ERI3: variants seen among roughly 807,000 people sequenced by gnomAD.
ERI3 encodes the protein ERI1 exoribonuclease family member 3, also known as ERI1 exoribonuclease 3.
A neutral mutation model predicts 44.4 loss-of-function variants in ERI3; 18 were observed. That is an observed-to-expected ratio of 0.41 (90% CI 0.28 to 0.60). The LOEUF (loss-of-function observed/expected upper bound fraction) is 0.60, where lower values mean the gene tolerates loss of function less well. Among genes scored for constraint, ERI3 ranks in the 20% least tolerant of loss-of-function variants. ERI3 has a pLI of 0.36. For synonymous variants in ERI3, 183 were observed against 164.8 expected (o/e 1.11, Z -0.84); for missense variants, 294 against 435.5 (o/e 0.68, Z 2.89).
intron 7 of ERI3, among the ~76,000 whole-genome samples, chr1:44,274,232 C>T (rs1645138545): frequency 1.3e-5 from 2 of 152,188 alleles, no homozygotes; most frequent in South Asian, 4.1e-4. Flanking sequence ...ATCTGTCTCC[C>T]TATTATCTGG....
At position 44,254,233 on chromosome 1, in the gene ERI3, C is replaced by T. The variant is rs1447158440; in HGVS notation, c.832-6195G>A. 4.6e-5 allele frequency among the ~76,000 whole-genome samples: 7 copies of T among 152,150 alleles called. 1 individual carries two copies. Among genetic ancestry groups the T allele is most frequent in the African/African-American group, 1.7e-4 (7 of 41,434 alleles). On this transcript the variant is annotated intron_variant, in intron 7 of 8. Transcript: ENST00000372257. ...TGTGCTCTAATGAGCTTCTCCTCTA[C>T]CTATTTCAGTCATCTTTCCCCAGAG...
At chr1:44,342,859 T>TA (rs1557868067) in intron 2 of ERI3, among the ~76,000 whole-genome samples, 19 of 11,974 alleles carry the variant, frequency 1.6e-3, no homozygotes, top group East Asian at 4.0e-3. Context: ...ATATATATAT[T>TA]TTTTTTTTTT....
intron 3 of ERI3, among the ~76,000 whole-genome samples, chr1:44,323,532 A>G (rs1646246214): frequency 6.6e-6 from 1 of 152,212 alleles, no homozygotes; most frequent in Non-Finnish European, 1.5e-5. Flanking sequence ...GGCTGTAGAC[A>G]CAGAGATGAA....
At chr1:44,273,430 G>A (rs1350967661) in intron 7 of ERI3, among the ~76,000 whole-genome samples, 4 of 152,234 alleles carry the variant, frequency 2.6e-5, no homozygotes, top group Admixed American at 1.3e-4. Flanking sequence ...CTTTAGGCAA[G>A]TTTCTTCATT....
intron 8 of ERI3, among the ~76,000 whole-genome samples, chr1:44,237,297 C>A (rs940111674): frequency 6.6e-6 from 1 of 152,194 alleles, no homozygotes; most frequent in Admixed American, 6.5e-5. Flanking sequence ...CCCAGAAGAC[C>A]TCAGCAAACA....
chr1:44,262,107 T>C (rs760959926), intron 7 of ERI3, among the ~76,000 whole-genome samples: 17 of 152,112 alleles, frequency 1.1e-4, no homozygotes, highest in Admixed American at 1.3e-4. Flanking sequence ...TAGGTGTCCC[T>C]CAGGCTCGCT....
chr1:44,330,265 G>C (rs1268839789), intron 3 of ERI3, among the ~76,000 whole-genome samples: 2 of 152,194 alleles, frequency 1.3e-5, no homozygotes, highest in Non-Finnish European at 2.9e-5. Context: ...GCCTCTGCCA[G>C]CACCTAACCC....
intron 3 of ERI3, 84 bp from the exon 4 acceptor site, chr1:44,319,828 G>T (rs141635728): frequency 7.8e-6 from 8 of 1,031,638 alleles, no homozygotes; most frequent in Middle Eastern, 4.1e-4. Flanking sequence ...AACAAAGAAT[G>T]AGTGTTTTGG....
rs75756995 is a variant in ERI3 at position 44,333,023 on chromosome 1, A to T, written c.489+6022T>A. On this transcript the variant is annotated intron_variant, in intron 3 of 8. Coordinates refer to ENST00000372257, the MANE Select transcript of ERI3 (RefSeq NM_024066.3). ...AAAGGCAATAATTGCTCTGATGGGC[A>T]GGGGAAAAATTATTCCAGGAGTCGG... 2.5e-3 allele frequency among the ~76,000 whole-genome samples: 378 copies of T among 152,364 alleles called. 4 individuals carry two copies. Among genetic ancestry groups the T allele is most frequent in the African/African-American group, 8.8e-3 (366 of 41,594 alleles).
rs1206417712 is a variant in ERI3 at position 44,252,631 on chromosome 1, G to A, written c.832-4593C>T. ...TCCCATCACAAACACGGCGCCCGGC[G>A]GCTTATGGGGGCTTAGCAGCTGCGA... On this transcript the variant is annotated intron_variant, in intron 7 of 8. Transcript: ENST00000372257. This position sits in a 1 kb window ranked among gnomAD's most constrained non-coding sequence, Gnocchi z 4.7. Among the ~76,000 whole-genome samples, 3 of 152,214 alleles carry A rather than the reference G, an allele frequency of 2.0e-5. No homozygotes were observed. Among genetic ancestry groups the A allele is most frequent in the South Asian group, 2.1e-4 (1 of 4,830 alleles).
In ERI3 at chr1:44,285,382, T is replaced by C. The variant is rs79994869; in HGVS notation, c.759-475A>G. Among the ~76,000 whole-genome samples the C allele has an allele frequency of 5.4e-3, 821 of 152,288 alleles. 5 individuals carry two copies. The highest frequency in any genetic ancestry group is 0.018 in the African/African-American group (755 of 41,560). On this transcript the variant is annotated intron_variant, in intron 6 of 8. Transcript: ENST00000372257. ...TTCTTTCTATGCACTGGTTTGTTAT[T>C]TTGTTACAGCAGAGAGGCAGACAGA...
rs1340841610 is a variant in ERI3, at chr1:44,355,050, A to C, written c.-24T>G. ...ATGGCAACGCCCCCTCCTCGGGGCC[A>C]GCGCGGCAGGCTCCCTCCAGGTGCA... On this transcript the variant is annotated 5_prime_UTR_variant, in exon 1 of 9. Transcript: ENST00000372257. 7.3e-7 allele frequency: 1 copy of C among 1,363,364 alleles called. No homozygotes were observed. The highest frequency in any genetic ancestry group is 9.5e-7 in the Non-Finnish European group (1 of 1,053,834). 84.5% of individuals were successfully genotyped at this position (1,363,364 alleles called of 1,614,324 possible).
At position 44,221,087 on chromosome 1, in the gene ERI3, C is replaced by CCA. The variant is rs1643890737; in HGVS notation, c.*469_*470dup. ...CACACAGATGGCTTTGCACACACAC[C>CCA]CAGTGCCTCGTTTCCCCGACTTTAT... On this transcript the variant is annotated 3_prime_UTR_variant, in exon 9 of 9. Transcript: ENST00000372257. The surrounding 1 kb of genome is among the most constrained non-coding windows in gnomAD (Gnocchi z 5.9). 3.7e-6 allele frequency: 1 copy of CCA among 273,764 alleles called. No individual in the cohort carries two copies. The highest frequency in any genetic ancestry group is 7.1e-6 in the Non-Finnish European group (1 of 141,456). The allele number at this position is 273,764 out of a possible 1,614,324, so 17.0% of individuals were successfully genotyped here.
At chr1:44,298,669 C>A (rs1645660968) in intron 6 of ERI3, among the ~76,000 whole-genome samples, 1 of 152,144 alleles carries the variant, frequency 6.6e-6, no homozygotes, top group South Asian at 2.1e-4. Context: ...AATCTCAGCA[C>A]TTTGGGAGGC....
intron 6 of ERI3, among the ~76,000 whole-genome samples, chr1:44,301,224 G>A (rs965907273): frequency 6.6e-6 from 1 of 152,154 alleles, no homozygotes; most frequent in Non-Finnish European, 1.5e-5. Flanking sequence ...AGAAGGTCTG[G>A]TTCCCACTCT....
chr1:44,342,858 T>TAAATATATATATATATATATATATA (rs1408660607), intron 2 of ERI3, among the ~76,000 whole-genome samples: 2 of 11,368 alleles, frequency 1.8e-4, no homozygotes, highest in Non-Finnish European at 3.3e-4. Flanking sequence ...TATATATATA[T>TAAATATATATATATATATATATATA]TTTTTTTTTT....
chr1:44,244,453 T>C (rs1373836834), intron 8 of ERI3, among the ~76,000 whole-genome samples: 1 of 152,138 alleles, frequency 6.6e-6, no homozygotes, highest in African/African-American at 2.4e-5. Flanking sequence ...ACAACTCCAT[T>C]TGTGAGCTCT....
chr1:44,222,976 GTC>G (rs1427763335), intron 8 of ERI3, among the ~76,000 whole-genome samples: 4 of 152,272 alleles, frequency 2.6e-5, no homozygotes, highest in Non-Finnish European at 5.9e-5. Flanking sequence ...GGAGGGCACA[GTC>G]TCTGATCAGC....
rs1644707631 is a variant in ERI3, at chr1:44,252,695, G to A, written c.832-4657C>T. Among the ~76,000 whole-genome samples, 1 of 152,146 alleles carries A rather than the reference G, an allele frequency of 6.6e-6. No homozygotes were observed. Among genetic ancestry groups the A allele is most frequent in the Non-Finnish European group, 1.5e-5 (1 of 68,030 alleles). ...TTTAATAGATGAAGTAGCCCTCATC[G>A]GCTGCAGCATCAGATCCTTCAAAGA... On this transcript the variant is annotated intron_variant, in intron 7 of 8. Transcript: ENST00000372257. The surrounding 1 kb of genome is among the most constrained non-coding windows in gnomAD (Gnocchi z 4.7).
Sources: allele counts gnomAD v4.1 joint callset (sites outside exome capture counted in the v4.1 genomes callset), GRCh38; gene constraint gnomAD v4.1.1; non-coding constraint Gnocchi (gnomAD v3.1); transcripts MANE v1.5; gene names NCBI Gene and HGNC (gene_info 2026-07-23, HGNC 2026-07-21).